Variants in RNF34 observed in about 807,000 individuals in gnomAD.
RNF34 encodes E3 ubiquitin-protein ligase RNF34.
RNF34 carries 12 observed loss-of-function variants against 37.9 expected under a neutral mutation model. The ratio of observed to expected loss-of-function variants is 0.32; its 90% CI spans 0.20 to 0.51. The LOEUF is 0.51. Among genes scored for constraint, RNF34 ranks in the 20% least tolerant of loss-of-function variants. The pLI, the probability that RNF34 is intolerant of heterozygous loss-of-function variation, is 0.97. For missense variants in RNF34, 362 were observed against 472.7 expected (o/e 0.77, Z 2.17); for synonymous variants, 155 against 177.2 (o/e 0.87, Z 1.00).
rs143210041 is a variant in RNF34, at chr12:121,417,696, A to G, written c.418A>G (p.Lys140Glu). ...TATACCCATAGATACTTGTCGTGAG[A>G]AAGAAGACTTGGTGGATCTAGTACT... ...RNIPIDTCRE[K>E]EDLVDLVLCH... The change falls in exon 3 of 6, where the codon AAA becomes GAA. Residue 140 changes from lysine to glutamate, a missense_variant. Physicochemically the swap from Lys to Glu is moderately conservative, Grantham distance 56. Coordinates refer to ENST00000361234, the MANE Select transcript of RNF34 (RefSeq NM_025126.4). This position sits in a 1 kb window ranked among gnomAD's most constrained non-coding sequence, Gnocchi z 5.0. 6.2e-6 allele frequency: 10 copies of G among 1,614,102 alleles called. No homozygotes were observed. The highest frequency in any genetic ancestry group is 8.5e-6 in the Non-Finnish European group (10 of 1,180,044).
At chr12:121,405,767 A>G (rs1464448897) in intron 1 of RNF34, among the ~76,000 whole-genome samples, 1 of 149,318 alleles carries the variant, frequency 6.7e-6, no homozygotes, top group African/African-American at 2.5e-5. Flanking sequence ...CACAGGCGTG[A>G]GCCACCGTGT....
chr12:121,413,867 G>A (rs1278040215), intron 1 of RNF34, among the ~76,000 whole-genome samples: 1 of 152,036 alleles, frequency 6.6e-6, no homozygotes, highest in Non-Finnish European at 1.5e-5. Context: ...GAGCCACCGC[G>A]CCCGGCTTCA....
chr12:121,400,224 G>C lies in RNF34; in HGVS notation c.6+6G>C. On this transcript the variant is annotated splice_donor_region_variant and intron_variant, in intron 1 of 5. Coordinates refer to ENST00000361234, the MANE Select transcript of RNF34 (RefSeq NM_025126.4). Reference sequence around the variant, plus strand: ...AGGCGGTCGCGGCCATGAAGGTGAGGGGCCGGTGGAGCCGGACAGACCCTC... The same window carrying C: ...AGGCGGTCGCGGCCATGAAGGTGAGCGGCCGGTGGAGCCGGACAGACCCTC... 1 of 1,609,316 alleles carries C rather than the reference G, an allele frequency of 6.2e-7. No homozygotes were observed.
At chr12:121,415,589 C>T (rs1479550733) in intron 1 of RNF34, among the ~76,000 whole-genome samples, 2 of 152,062 alleles carry the variant, frequency 1.3e-5, no homozygotes, top group African/African-American at 2.4e-5. Context: ...GTACTCCAGC[C>T]TGGTTGACAA....
chr12:121,422,472 C>A (rs986886245), intron 5 of RNF34, among the ~76,000 whole-genome samples: 1 of 152,256 alleles, frequency 6.6e-6, no homozygotes, highest in African/African-American at 2.4e-5. Flanking sequence ...GCATATCTGC[C>A]ATCTCATCCC....
chr12:121,410,462 G>A (rs797023703), intron 1 of RNF34, among the ~76,000 whole-genome samples: 3 of 151,910 alleles, frequency 2.0e-5, no homozygotes, highest in African/African-American at 7.2e-5. Flanking sequence ...GCTTGAACCC[G>A]GGAGGCAGAG....
rs1555282348 is a variant in RNF34 at position 121,417,491 on chromosome 12, T to A, written c.226-13T>A. On this transcript the variant is annotated splice_polypyrimidine_tract_variant and intron_variant, in intron 2 of 5. Coordinates refer to ENST00000361234, the MANE Select transcript of RNF34 (RefSeq NM_025126.4). This position sits in a 1 kb window ranked among gnomAD's most constrained non-coding sequence, Gnocchi z 5.0. ...TTATATCTTGCTGTCATCAAATGCT[T>A]TTCTTTCTTCAGCATGTTTGCTGTG... 1 of 1,601,376 alleles carries A rather than the reference T, an allele frequency of 6.2e-7. No homozygotes were observed. Among genetic ancestry groups the A allele is most frequent in the South Asian group, 1.1e-5 (1 of 89,686 alleles).
intron 5 of RNF34, among the ~76,000 whole-genome samples, chr12:121,422,730 T>G (rs1298731539): frequency 6.6e-6 from 1 of 152,156 alleles, no homozygotes; most frequent in African/African-American, 2.4e-5. Context: ...GGGGTTAACT[T>G]TTTTTTAACT....
intron 1 of RNF34, among the ~76,000 whole-genome samples, chr12:121,412,682 C>T (rs369952588): frequency 3.3e-5 from 5 of 150,184 alleles, no homozygotes; most frequent in South Asian, 2.1e-4. Context: ...CCTGGCTGAA[C>T]ACTAACTTTA....
intron 3 of RNF34, chr12:121,418,140 T>C: frequency 1.8e-6 from 1 of 541,176 alleles, no homozygotes; most frequent in East Asian, 3.1e-5. Context: ...AAATAGCTCA[T>C]CAGTCTCTTG....
intron 1 of RNF34, chr12:121,402,813 A>C: frequency 6.3e-7 from 1 of 1,576,312 alleles, no homozygotes; most frequent in African/African-American, 1.3e-5. Context: ...GGAAGGTAAC[A>C]TTTGTATCTA....
intron 1 of RNF34, among the ~76,000 whole-genome samples, chr12:121,407,892 A>G (rs1555280874): frequency 1.8e-4 from 27 of 152,138 alleles, no homozygotes; most frequent in Non-Finnish European, 5.9e-5. Flanking sequence ...ATAGATTGGC[A>G]TATGTTCCCC....
chr12:121,414,961 T>G (rs1871417444), intron 1 of RNF34, among the ~76,000 whole-genome samples: 1 of 152,194 alleles, frequency 6.6e-6, no homozygotes, highest in African/African-American at 2.4e-5. Context: ...CTGGGCATGG[T>G]GGCGGATGCC....
chr12:121,418,985 G>A (rs1484766722), intron 3 of RNF34, among the ~76,000 whole-genome samples: 5 of 152,194 alleles, frequency 3.3e-5, no homozygotes, highest in African/African-American at 1.2e-4. Flanking sequence ...TTACAGGCAT[G>A]AGCCAACCGC....
chr12:121,420,178 G>A, intron 3 of RNF34, 64 bp from the exon 4 acceptor site: 1 of 1,480,418 alleles, frequency 6.8e-7, no homozygotes. Context: ...TCAATGACAA[G>A]GTTTTCTCTA....
intron 1 of RNF34, among the ~76,000 whole-genome samples, chr12:121,411,711 A>G (rs1434276707): frequency 5.3e-5 from 8 of 152,244 alleles, no homozygotes; most frequent in African/African-American, 1.7e-4. Context: ...CTTGTCAGTC[A>G]TACCATGGTG....
intron 1 of RNF34, among the ~76,000 whole-genome samples, chr12:121,401,895 T>G (rs909680099): frequency 6.6e-6 from 1 of 152,228 alleles, no homozygotes; most frequent in South Asian, 2.1e-4. Context: ...CATCAGCCTG[T>G]GCCAGATGAC....
At chr12:121,411,929 A>G (rs1486484671) in intron 1 of RNF34, among the ~76,000 whole-genome samples, 1 of 152,212 alleles carries the variant, frequency 6.6e-6, no homozygotes, top group Non-Finnish European at 1.5e-5. Context: ...TACTTTCTGC[A>G]GTTGAGGTAT....
intron 5 of RNF34, among the ~76,000 whole-genome samples, chr12:121,421,963 T>C (rs1187288042): frequency 6.6e-6 from 1 of 152,228 alleles, no homozygotes; most frequent in African/African-American, 2.4e-5. Flanking sequence ...GCAATCCTAC[T>C]TCAAAGATGA....
Sources: allele counts gnomAD v4.1 joint callset (sites outside exome capture counted in the v4.1 genomes callset), GRCh38; gene constraint gnomAD v4.1.1; non-coding constraint Gnocchi (gnomAD v3.1); transcripts MANE v1.5; gene names NCBI Gene and HGNC (gene_info 2026-07-23, HGNC 2026-07-21).